Variants in RIC1 observed in about 807,000 individuals in gnomAD.
RIC1 encodes the protein guanine nucleotide exchange factor subunit RIC1.
A neutral mutation model predicts 169.0 loss-of-function variants in RIC1; 88 were observed. The ratio of observed to expected loss-of-function variants is 0.52; its 90% CI spans 0.44 to 0.62. The LOEUF (loss-of-function observed/expected upper bound fraction) is 0.62, where lower values mean the gene tolerates loss of function less well. Among genes scored for constraint, RIC1 ranks in the 20% least tolerant of loss-of-function variants. The pLI is 0.00. For missense variants in RIC1, 1,877 were observed against 1,725.5 expected, an observed-to-expected ratio of 1.09 and a Z score of -1.56; for synonymous variants, 790 against 601.5, an observed-to-expected ratio of 1.31 and a Z score of -4.59.
Position 5,753,188 on chromosome 9 carries a change from T to C in RIC1, c.1453-12T>C. Reference sequence around the variant, plus strand: ...CATAAGTTTTACCAATCTGATGTGTTATTTTCTATAGATTTCCAGCACCTA... The same window carrying C: ...CATAAGTTTTACCAATCTGATGTGTCATTTTCTATAGATTTCCAGCACCTA... On this transcript the variant is annotated splice_polypyrimidine_tract_variant and intron_variant, in intron 12 of 25. Transcript: ENST00000414202. 6.2e-7 allele frequency: 1 copy of C among 1,607,748 alleles called. No homozygotes were observed. The highest frequency in any genetic ancestry group is 8.5e-7 in the Non-Finnish European group (1 of 1,174,212).
chr9:5,773,872 C>G, intron 25 of RIC1, 86 bp from the exon 26 acceptor site: 1 of 1,267,586 alleles, frequency 7.9e-7, no homozygotes, highest in African/African-American at 1.5e-5. Context: ...TTTACCATAT[C>G]AATGTTCAGT....
chr9:5,675,489 A>G lies in RIC1; in HGVS notation c.253-14470A>G, dbSNP rs75824128. On this transcript the variant is annotated intron_variant, in intron 2 of 25. Coordinates refer to ENST00000414202, the MANE Select transcript of RIC1 (RefSeq NM_020829.4). Reference sequence around the variant, plus strand: ...TAAGTGAAATAAAAATTAGATTTTCAGTGGCCAAAAATATTAAATTATTTT... The same window carrying G: ...TAAGTGAAATAAAAATTAGATTTTCGGTGGCCAAAAATATTAAATTATTTT... 2.7e-3 allele frequency among the ~76,000 whole-genome samples: 410 copies of G among 152,342 alleles called. 11 individuals carry two copies. In the East Asian group the frequency reaches 0.059, roughly 22 times the overall value.
In RIC1 at chr9:5,746,535, C is replaced by T. The variant is rs1825386192; in HGVS notation, c.1248+452C>T. Among the ~76,000 whole-genome samples the T allele has an allele frequency of 2.0e-5, 3 of 152,070 alleles. No individual in the cohort carries two copies. The South Asian group carries it at 6.2e-4, about 32-fold the overall frequency. Reference sequence around the variant, plus strand: ...CCAGAGGCTTAAATATGCCATTGTGCATCATGAAAATCCAGGAGGTGGTAT... The same window carrying T: ...CCAGAGGCTTAAATATGCCATTGTGTATCATGAAAATCCAGGAGGTGGTAT... On this transcript the variant is annotated intron_variant, in intron 11 of 25. Transcript: ENST00000414202.
At chr9:5,633,998 G>C (rs1817848936) in intron 1 of RIC1, among the ~76,000 whole-genome samples, 1 of 151,978 alleles carries the variant, frequency 6.6e-6, no homozygotes, top group East Asian at 1.9e-4. Flanking sequence ...GTTGTTTTTT[G>C]TCTTGCTTAC....
intron 3 of RIC1, among the ~76,000 whole-genome samples, chr9:5,709,429 C>G (rs1210607449): frequency 6.6e-6 from 1 of 152,124 alleles, no homozygotes; most frequent in African/African-American, 2.4e-5. Flanking sequence ...CCCTTACTTT[C>G]TTAGCTTTGT....
At chr9:5,749,555 T>G (rs185388857) in intron 12 of RIC1, among the ~76,000 whole-genome samples, 1 of 152,250 alleles carries the variant, frequency 6.6e-6, no homozygotes, top group East Asian at 1.9e-4. Flanking sequence ...GCTTCTTGTA[T>G]AGCTTAGATG....
chr9:5,644,893 T>G (rs1237284654), intron 1 of RIC1, among the ~76,000 whole-genome samples: 1 of 152,212 alleles, frequency 6.6e-6, no homozygotes, highest in Non-Finnish European at 1.5e-5. Flanking sequence ...TATGGAAGTT[T>G]CTGTTTCTCC....
chr9:5,731,343 T>C (rs774299529), intron 6 of RIC1, among the ~76,000 whole-genome samples: 1 of 152,110 alleles, frequency 6.6e-6, no homozygotes, highest in Non-Finnish European at 1.5e-5. Context: ...TGACATAAAA[T>C]GTCCAGTTTT....
intron 12 of RIC1, among the ~76,000 whole-genome samples, chr9:5,750,030 G>T (rs536755567): frequency 2.6e-4 from 40 of 152,056 alleles, no homozygotes; most frequent in Admixed American, 8.5e-4. Context: ...ACCTGCCTCA[G>T]CCTCCCAAAG....
intron 21 of RIC1, among the ~76,000 whole-genome samples, chr9:5,768,332 TC>T (rs1826941734): frequency 6.6e-6 from 1 of 151,890 alleles, no homozygotes; most frequent in Non-Finnish European, 1.5e-5. Context: ...TCAAGATGAG[TC>T]TGGGCAACAC....
At chr9:5,687,396 G>A (rs1821314815) in intron 2 of RIC1, among the ~76,000 whole-genome samples, 1 of 152,066 alleles carries the variant, frequency 6.6e-6, no homozygotes, top group Admixed American at 6.5e-5. Context: ...GATTTCGTTT[G>A]CTCTAGTTTA....
At chr9:5,645,648 C>T (rs1039809271) in intron 1 of RIC1, among the ~76,000 whole-genome samples, 1 of 152,180 alleles carries the variant, frequency 6.6e-6, no homozygotes, top group African/African-American at 2.4e-5. Context: ...TGGAACCACA[C>T]ACTATTTGTC....
intron 15 of RIC1, 108 bp from the exon 16 acceptor site, chr9:5,756,104 T>TAAAA (rs370435478): frequency 1.1e-5 from 5 of 466,972 alleles, no homozygotes; most frequent in Admixed American, 4.7e-5. Flanking sequence ...CTCCTGTTAC[T>TAAAA]AAAAAAAAAA....
intron 3 of RIC1, among the ~76,000 whole-genome samples, chr9:5,704,828 AT>A (rs1372309550): frequency 1.3e-4 from 19 of 151,916 alleles, no homozygotes; most frequent in African/African-American, 4.6e-4. Flanking sequence ...GTTTTTATTC[AT>A]TTTGAATTAT....
At chr9:5,647,859 G>C (rs754737520) in intron 1 of RIC1, among the ~76,000 whole-genome samples, 2 of 151,482 alleles carry the variant, frequency 1.3e-5, no homozygotes, top group Non-Finnish European at 2.9e-5. Flanking sequence ...TTTCACCATT[G>C]AGTTTGATGC....
intron 8 of RIC1, among the ~76,000 whole-genome samples, chr9:5,741,461 T>C (rs139072748): frequency 6.6e-6 from 1 of 152,302 alleles, no homozygotes; most frequent in African/African-American, 2.4e-5. Context: ...TACACTTTTT[T>C]CCATGTTTCT....
chr9:5,716,472 G>C (rs1823247892), intron 4 of RIC1, among the ~76,000 whole-genome samples: 2 of 152,028 alleles, frequency 1.3e-5, no homozygotes, highest in African/African-American at 4.8e-5. Flanking sequence ...AATTAGCTGG[G>C]TGTGGTGGCA....
At chr9:5,703,175 C>T (rs7028614) in intron 3 of RIC1, among the ~76,000 whole-genome samples, 48,730 of 152,018 alleles carry the variant, frequency 0.32, 11,060 homozygotes, top group African/African-American at 0.65. Context: ...TGCCTATGAG[C>T]CTGTAAAATC....
At chr9:5,755,315 G>A (rs1490024318) in intron 15 of RIC1, among the ~76,000 whole-genome samples, 1 of 152,158 alleles carries the variant, frequency 6.6e-6, no homozygotes, top group Admixed American at 6.5e-5. Flanking sequence ...ATCAGTGGAT[G>A]CCTGAAACTG....
Sources: allele counts gnomAD v4.1 joint callset (sites outside exome capture counted in the v4.1 genomes callset), GRCh38; gene constraint gnomAD v4.1.1; transcripts MANE v1.5; gene names NCBI Gene and HGNC (gene_info 2026-07-23, HGNC 2026-07-21).